Variants in TERB2 observed in about 807,000 individuals in gnomAD.
TERB2 encodes telomere repeats-binding bouquet formation protein 2.
A neutral mutation model predicts 29.8 loss-of-function variants in TERB2; 26 were observed. That is an observed-to-expected ratio of 0.87 (90% CI 0.64 to 1.21). The LOEUF (loss-of-function observed/expected upper bound fraction) is 1.21. TERB2 is among the 50% of genes most tolerant of loss of function. The probability of loss-of-function intolerance (pLI) is 0.00; values close to 1 mark genes in which losing one functional copy is unlikely to be tolerated. For synonymous variants in TERB2, 80 were observed against 90.8 expected (o/e 0.88, Z 0.68); for missense variants, 240 against 268.6 (o/e 0.89, Z 0.74).
chr15:44,959,626 C>T (rs111707458), intron 3 of TERB2, among the ~76,000 whole-genome samples: 26 of 152,276 alleles, frequency 1.7e-4, no homozygotes, highest in African/African-American at 4.6e-4. Context: ...CCTCAGCCCC[C>T]CAAAGTGCTG....
At chr15:44,961,502 G>T in intron 3 of TERB2, 21 bp from the exon 4 acceptor site, 6 of 1,557,216 alleles carry the variant, frequency 3.9e-6, no homozygotes, top group South Asian at 1.2e-5. Flanking sequence ...AACAGTATTG[G>T]ATTTGTTTTT....
intron 6 of TERB2, among the ~76,000 whole-genome samples, chr15:44,976,951 A>C (rs777795416): frequency 3.3e-5 from 5 of 151,984 alleles, no homozygotes; most frequent in Non-Finnish European, 7.3e-5. Context: ...GTCATTGGCC[A>C]TATTTTCTAC....
chr15:44,958,763 A>G (rs1298022565), intron 3 of TERB2, among the ~76,000 whole-genome samples: 2 of 152,252 alleles, frequency 1.3e-5, no homozygotes, highest in Non-Finnish European at 2.9e-5. Flanking sequence ...CAACCTGGGT[A>G]GGTGCTGGGG....
intron 4 of TERB2, among the ~76,000 whole-genome samples, chr15:44,965,302 T>A (rs1050980951): frequency 6.7e-6 from 1 of 148,772 alleles, no homozygotes; most frequent in African/African-American, 2.4e-5. Flanking sequence ...AACATATGTT[T>A]AGTTATTTTG....
At chr15:44,958,326 ATTC>A (rs1397239082) in intron 2 of TERB2, 44 bp from the exon 3 acceptor site, 3 of 1,549,224 alleles carry the variant, frequency 1.9e-6, no homozygotes, top group Non-Finnish European at 8.7e-7. Context: ...GGTTAAATAC[ATTC>A]TTGTTTCTTT....
At chr15:44,971,488 G>T (rs1027991618) in intron 5 of TERB2, among the ~76,000 whole-genome samples, 1 of 152,174 alleles carries the variant, frequency 6.6e-6, no homozygotes, top group African/African-American at 2.4e-5. Flanking sequence ...GGGTGCGGTG[G>T]CTCACGCCTG....
chr15:44,963,618 G>T (rs1891839211), intron 4 of TERB2, among the ~76,000 whole-genome samples: 2 of 151,522 alleles, frequency 1.3e-5, no homozygotes, highest in Admixed American at 6.6e-5. Context: ...TAGTGGTGTT[G>T]TAAAGATAAA....
chr15:44,978,870 G>A lies in TERB2; in HGVS notation c.*242G>A, dbSNP rs189892226. On this transcript the variant is annotated 3_prime_UTR_variant, in exon 7 of 7. Transcript: ENST00000340827. Reference sequence around the variant, plus strand: ...GCACAGTTGTTAATGAGTAATTGCCGTTAAAATATATTTCATAAGAAGTCT... The same window carrying A: ...GCACAGTTGTTAATGAGTAATTGCCATTAAAATATATTTCATAAGAAGTCT... 7.1e-4 allele frequency: 205 copies of A among 289,740 alleles called. 1 individual carries two copies. The highest frequency in any genetic ancestry group is 3.2e-3 in the African/African-American group (147 of 45,458). The allele number at this position is 289,740 out of a possible 1,614,324, so 17.9% of individuals were successfully genotyped here.
Position 44,956,940 on chromosome 15 carries a change from T to A in TERB2, c.109T>A (p.Leu37Met). ...TISDPRAADFLFSCDASHPDT... is the reference protein window; with the variant it reads ...TISDPRAADFMFSCDASHPDT... ...CAGTGACCCGCGAGCCGCCGACTTC[T>A]TGTTCAGCTGTGATGCCTCGCACCC... The change falls in exon 2 of 7, where the codon TTG becomes ATG. Residue 37 changes from leucine to methionine, a missense_variant. By Grantham distance (15) the Leu-to-Met change is conservative. Coordinates refer to ENST00000340827, the MANE Select transcript of TERB2 (RefSeq NM_152448.3). 6.2e-7 allele frequency: 1 copy of A among 1,614,058 alleles called. No individual in the cohort carries two copies. Among genetic ancestry groups the A allele is most frequent in the Non-Finnish European group, 8.5e-7 (1 of 1,180,008 alleles).
chr15:44,965,459 GATAT>G (rs1317515201), intron 4 of TERB2, among the ~76,000 whole-genome samples: 1 of 137,752 alleles, frequency 7.3e-6, no homozygotes, highest in Non-Finnish European at 1.5e-5. Context: ...TATTTATAAA[GATAT>G]ATATATTTAT....
intron 3 of TERB2, among the ~76,000 whole-genome samples, chr15:44,959,027 T>C (rs1317016688): frequency 2.0e-5 from 3 of 152,202 alleles, no homozygotes; most frequent in Non-Finnish European, 4.4e-5. Context: ...TCTCTATTTA[T>C]TTTAATAATT....
In TERB2 at chr15:44,975,693, C is replaced by G. The variant is rs566003427; in HGVS notation, c.523+1738C>G. Among the ~76,000 whole-genome samples the G allele has an allele frequency of 3.3e-5, 5 of 152,088 alleles. No homozygotes were observed. The South Asian group carries it at 1.0e-3, about 32-fold the overall frequency. ...TACCTTGGCATCTGCCCACTAGATA[C>G]CAATAGCATCACCCATCTCTCCCCC... On this transcript the variant is annotated intron_variant, in intron 6 of 6. Coordinates refer to ENST00000340827, the MANE Select transcript of TERB2 (RefSeq NM_152448.3).
intron 3 of TERB2, among the ~76,000 whole-genome samples, chr15:44,961,043 ATATC>A (rs1380033016): frequency 2.0e-5 from 3 of 151,628 alleles, no homozygotes; most frequent in Admixed American, 6.6e-5. Flanking sequence ...AGAGAGATAT[ATATC>A]TATAAATGCA....
intron 3 of TERB2, among the ~76,000 whole-genome samples, chr15:44,959,440 C>T (rs1056933337): frequency 4.6e-5 from 7 of 152,114 alleles, no homozygotes; most frequent in Non-Finnish European, 8.8e-5. Context: ...GTGATCTCAG[C>T]TCACTGCAAC....
In TERB2 at chr15:44,958,386, C is replaced by T; in HGVS notation, c.160C>T (p.Leu54Phe). 4 of 1,611,994 alleles carry T rather than the reference C, an allele frequency of 2.5e-6. No homozygotes were observed. Among genetic ancestry groups the T allele is most frequent in the Non-Finnish European group, 3.4e-6 (4 of 1,179,520 alleles). Reference sequence around the variant, plus strand: ...TCTTTCTCCTAGAATATATCAGAGCCTTGATTACATAGAAGATAATGCTAC... The same window carrying T: ...TCTTTCTCCTAGAATATATCAGAGCTTTGATTACATAGAAGATAATGCTAC... ...HPDTLRIYQS[L>F]DYIEDNATVF... The change falls in exon 3 of 7, where the codon CTT (leucine) becomes TTT (phenylalanine). Residue 54 changes from leucine (L) to phenylalanine (F), a missense_variant. Physicochemically the swap from Leu to Phe is conservative, Grantham distance 22. Coordinates refer to ENST00000340827, the MANE Select transcript of TERB2 (RefSeq NM_152448.3).
intron 3 of TERB2, among the ~76,000 whole-genome samples, chr15:44,959,934 C>G (rs1176877194): frequency 6.6e-6 from 1 of 152,166 alleles, no homozygotes; most frequent in Non-Finnish European, 1.5e-5. Context: ...AGATTTGGTT[C>G]CTTCCATAGT....
intron 6 of TERB2, chr15:44,976,211 A>G (rs1481671367): frequency 1.8e-4 from 27 of 152,078 alleles, no homozygotes; most frequent in Admixed American, 1.8e-3. Context: ...AACATTTATT[A>G]TTTCAGTTTC....
At chr15:44,961,808 T>C (rs1891808170) in intron 4 of TERB2, among the ~76,000 whole-genome samples, 1 of 152,192 alleles carries the variant, frequency 6.6e-6, no homozygotes, top group African/African-American at 2.4e-5. Context: ...CAAGCGATTC[T>C]CCTGCCTCAG....
At position 44,978,637 on chromosome 15, in the gene TERB2, A is replaced by G. The variant is rs568516838; in HGVS notation, c.*9A>G. The G allele has an allele frequency of 1.3e-6, 2 of 1,580,636 alleles. No homozygotes were observed. Among genetic ancestry groups the G allele is most frequent in the African/African-American group, 1.4e-5 (1 of 73,672 alleles). ...AATTGAAGAGGAAATAGTAAATTAAATTGTAAATACCTTGGCATTTATTTT... is the reference window on the plus strand; with the variant it reads ...AATTGAAGAGGAAATAGTAAATTAAGTTGTAAATACCTTGGCATTTATTTT... On this transcript the variant is annotated 3_prime_UTR_variant, in exon 7 of 7. Transcript: ENST00000340827.
Sources: gnomAD v4.1 joint callset for allele counts (sites outside exome capture counted in the v4.1 genomes callset) on GRCh38, gnomAD v4.1.1 for gene constraint, MANE v1.5 for transcripts, NCBI Gene and HGNC (gene_info 2026-07-23, HGNC 2026-07-21) for gene names.